The following ITM2B variants were observed in gnomAD, a reference collection of about 807,000 sequenced individuals.
ITM2B encodes the protein integral membrane protein 2B, also known as ABri/ADan amyloid peptide.
ITM2B carries 11 observed loss-of-function variants against 27.8 expected under a neutral mutation model. That is an observed-to-expected ratio of 0.40 (90% CI 0.25 to 0.66). The LOEUF (loss-of-function observed/expected upper bound fraction) is 0.66. Ranked by LOEUF, ITM2B falls within the 30% of genes least tolerant of loss-of-function variation. ITM2B has a pLI of 0.43. For missense variants in ITM2B, 296 were observed against 328.9 expected, an observed-to-expected ratio of 0.90 and a Z score of 0.77; for synonymous variants, 114 against 114.3, an observed-to-expected ratio of 1.00 and a Z score of 0.02.
chr13:48,233,812 G>A (rs1026929931), intron 1 of ITM2B, among the ~76,000 whole-genome samples: 1 of 152,126 alleles, frequency 6.6e-6, no homozygotes, highest in East Asian at 1.9e-4. Context: ...GACCGGCAGC[G>A]ACAGGCACAA....
At chr13:48,246,931 C>T (rs572573455) in intron 1 of ITM2B, among the ~76,000 whole-genome samples, 8 of 152,166 alleles carry the variant, frequency 5.3e-5, no homozygotes, top group Admixed American at 1.3e-4. Context: ...TGGGTTCAAG[C>T]GATTCTCGTG....
chr13:48,236,125 CTAGCT>C (rs1332936283), intron 1 of ITM2B, among the ~76,000 whole-genome samples: 2 of 152,212 alleles, frequency 1.3e-5, no homozygotes, highest in African/African-American at 4.8e-5. Context: ...TTTATCTCAA[CTAGCT>C]TGCTGTTTAT....
chr13:48,261,406 G>A lies in ITM2B; in HGVS notation c.*182G>A. The A allele has an allele frequency of 3.7e-6, 2 of 538,206 alleles. No homozygotes were observed. The highest frequency in any genetic ancestry group is 3.3e-6 in the Non-Finnish European group (1 of 302,914). The allele number at this position is 538,206 out of a possible 1,614,324, so 33.3% of individuals were successfully genotyped here. On this transcript the variant is annotated 3_prime_UTR_variant, in exon 6 of 6. Coordinates refer to ENST00000647800, the MANE Select transcript of ITM2B (RefSeq NM_021999.5). ...CCTTAAAATTTTTTTCTTTCGAAGT[G>A]TGGTGTCTTTTATATTTGAATTAGT... is the stretch of plus-strand genomic sequence containing the variant.
intron 1 of ITM2B, among the ~76,000 whole-genome samples, chr13:48,239,522 T>TCCA (rs1182296982): frequency 3.3e-5 from 5 of 152,138 alleles, no homozygotes. Context: ...ATTCCAGCTT[T>TCCA]TTGGGAGGCT....
At chr13:48,254,100 A>T (rs931306910) in intron 2 of ITM2B, among the ~76,000 whole-genome samples, 164 bp downstream of exon 2, 89 of 151,978 alleles carry the variant, frequency 5.9e-4, no homozygotes, top group African/African-American at 2.1e-3. Context: ...ACATCTCTCC[A>T]TGATATGTTT....
intron 5 of ITM2B, among the ~76,000 whole-genome samples, chr13:48,260,339 T>C (rs1951814582): frequency 6.6e-6 from 1 of 152,230 alleles, no homozygotes; most frequent in Non-Finnish European, 1.5e-5. Flanking sequence ...CAGCATGATT[T>C]ATAATCCTTT....
Position 48,256,266 on chromosome 13 carries a change from CCAGA to C in ITM2B, c.339_342del (p.Thr114LeufsTer43). Reference sequence around the variant, plus strand: ...CTGCAGATGCCCCAGCTGCTCTCTACCAGACAATTGAAGAAAATATTAAAATCTT... The same window carrying C: ...CTGCAGATGCCCCAGCTGCTCTCTACCAATTGAAGAAAATATTAAAATCTT... On this transcript the variant is annotated frameshift_variant, in exon 3 of 6. Transcript: ENST00000647800. LOFTEE classifies it high-confidence loss of function. The C allele has an allele frequency of 6.2e-7, 1 of 1,613,416 alleles. No individual in the cohort carries two copies. Among genetic ancestry groups the C allele is most frequent in the Non-Finnish European group, 8.5e-7 (1 of 1,179,414 alleles).
At chr13:48,237,491 A>G (rs1031069045) in intron 1 of ITM2B, among the ~76,000 whole-genome samples, 16 of 152,214 alleles carry the variant, frequency 1.1e-4, no homozygotes, top group African/African-American at 3.9e-4. Context: ...TCCCAACTAG[A>G]CAGAAATGAG....
At chr13:48,250,243 CTCCCT>C (rs1162258603) in intron 1 of ITM2B, among the ~76,000 whole-genome samples, 2 of 152,148 alleles carry the variant, frequency 1.3e-5, no homozygotes, top group African/African-American at 2.4e-5. Context: ...TGTTGCATCT[CTCCCT>C]TCCCTTATTA....
rs182910640 is a variant in ITM2B at position 48,262,528 on chromosome 13, A to T, written c.*1304A>T. 2.6e-5 allele frequency: 4 copies of T among 152,306 alleles called. No individual in the cohort carries two copies. The highest frequency in any genetic ancestry group is 9.6e-5 in the African/African-American group (4 of 41,576). The allele number at this position is 152,306 out of a possible 1,614,324, so 9.4% of individuals were successfully genotyped here. A position where few individuals can be genotyped will look rare whatever the true frequency, so the allele number is the denominator to read the frequency against. On this transcript the variant is annotated 3_prime_UTR_variant, in exon 6 of 6. Coordinates refer to ENST00000647800, the MANE Select transcript of ITM2B (RefSeq NM_021999.5). ...CAGGAATTAACAATTTTAGAAGACA[A>T]TATGTTTCAATAAAATGAGAATTGG...
At chr13:48,236,050 T>C (rs1299330248) in intron 1 of ITM2B, among the ~76,000 whole-genome samples, 1 of 152,208 alleles carries the variant, frequency 6.6e-6, no homozygotes, top group African/African-American at 2.4e-5. Flanking sequence ...ACAGTTCTAT[T>C]ACCCCATTTT....
At chr13:48,245,779 CTT>C (rs766255955) in intron 1 of ITM2B, among the ~76,000 whole-genome samples, 5 of 134,958 alleles carry the variant, frequency 3.7e-5, no homozygotes, top group East Asian at 2.1e-4. Context: ...AGTTTAAGTT[CTT>C]TTTTTTTTTT....
intron 1 of ITM2B, among the ~76,000 whole-genome samples, chr13:48,243,440 CAT>C (rs1200201341): frequency 6.6e-6 from 1 of 152,168 alleles, no homozygotes; most frequent in East Asian, 1.9e-4. Context: ...ATTTTGACAA[CAT>C]ATTAAAAGTA....
At chr13:48,258,675 TGGTG>T (rs1429357028) in intron 4 of ITM2B, 118 bp from the exon 5 acceptor site, 34 of 853,472 alleles carry the variant, frequency 4.0e-5, no homozygotes, top group Non-Finnish European at 5.7e-5. Context: ...AACAAACAGA[TGGTG>T]GGTAGTAGTT....
In ITM2B at chr13:48,246,997, T is replaced by G. The variant is rs917175516; in HGVS notation, c.118-6811T>G. Reference sequence around the variant, plus strand: ...GCACAAGCCACCACACCCAGCTAATTTGTGTATTTTTATTAGAGACGGGTT... The same window carrying G: ...GCACAAGCCACCACACCCAGCTAATGTGTGTATTTTTATTAGAGACGGGTT... On this transcript the variant is annotated intron_variant, in intron 1 of 5. Transcript: ENST00000647800. Among the ~76,000 whole-genome samples the G allele has an allele frequency of 2.6e-5, 4 of 152,116 alleles. No individual in the cohort carries two copies. The East Asian group carries it at 5.8e-4, about 22-fold the overall frequency.
chr13:48,255,401 C>G (rs1593395310), intron 2 of ITM2B, among the ~76,000 whole-genome samples: 1 of 152,252 alleles, frequency 6.6e-6, no homozygotes, highest in East Asian at 1.9e-4. Context: ...AGGCAATCCT[C>G]CCGCCTCAAC....
chr13:48,267,236 T>G lies in ITM2B; in HGVS notation c.*6012T>G, dbSNP rs1951858163. ...CTTCAGACTAAGATGCAGGAATAGTTTTCCATTTGGGTATGAATACGGCAA... is the reference window on the plus strand; with the variant it reads ...CTTCAGACTAAGATGCAGGAATAGTGTTCCATTTGGGTATGAATACGGCAA... On this transcript the variant is annotated 3_prime_UTR_variant, in exon 6 of 6. Transcript: ENST00000647800. 1 of 152,160 alleles carries G rather than the reference T, an allele frequency of 6.6e-6. No homozygotes were observed. The highest frequency in any genetic ancestry group is 2.4e-5 in the African/African-American group (1 of 41,408). 9.4% of individuals were successfully genotyped at this position (152,160 alleles called of 1,614,324 possible).
chr13:48,246,035 C>G (rs777300888), intron 1 of ITM2B, among the ~76,000 whole-genome samples: 4 of 152,238 alleles, frequency 2.6e-5, no homozygotes, highest in Non-Finnish European at 4.4e-5. Context: ...GCTTCAGCCT[C>G]CCAAAGTGTT....
intron 1 of ITM2B, among the ~76,000 whole-genome samples, chr13:48,239,832 A>G (rs1464575919): frequency 6.6e-6 from 1 of 152,214 alleles, no homozygotes; most frequent in Non-Finnish European, 1.5e-5. Flanking sequence ...TATAGCCTAT[A>G]TCTTCAAATA....
Sources: allele counts gnomAD v4.1 joint callset (sites outside exome capture counted in the v4.1 genomes callset), GRCh38; gene constraint gnomAD v4.1.1; transcripts MANE v1.5; gene names NCBI Gene and HGNC (gene_info 2026-07-23, HGNC 2026-07-21).